The following ALDH1L2 variants were observed in gnomAD, a reference collection of about 807,000 sequenced individuals.
ALDH1L2 encodes the protein aldehyde dehydrogenase 1 family member L2.
Under a neutral mutation model 111.0 loss-of-function variants are expected in ALDH1L2, and 91 were observed. The ratio of observed to expected loss-of-function variants is 0.82; its 90% CI spans 0.69 to 0.98. The LOEUF is 0.98. ALDH1L2 is among the 50% of genes least tolerant of loss of function. The pLI is 0.00. For synonymous variants in ALDH1L2, 374 were observed against 392.6 expected, an observed-to-expected ratio of 0.95 and a Z score of 0.56; for missense variants, 995 against 1,126.8, an observed-to-expected ratio of 0.88 and a Z score of 1.67.
Position 105,022,942 on chromosome 12 carries a change from T to A in ALDH1L2, c.*1482A>T, listed in dbSNP as rs975914143. 1.3e-5 allele frequency: 2 copies of A among 152,228 alleles called. No individual in the cohort carries two copies. Among genetic ancestry groups the A allele is most frequent in the Non-Finnish European group, 2.9e-5 (2 of 68,040 alleles). 9.4% of individuals were successfully genotyped at this position (152,228 alleles called of 1,614,324 possible). The stretch of plus-strand genomic sequence containing the variant: ...AATTTTATTTTTAAAGGAGGATTAA[T>A]AGAATTTAACTTTCTGGCTATCTTT... On this transcript the variant is annotated 3_prime_UTR_variant, in exon 23 of 23. Transcript: ENST00000258494.
Position 105,073,702 on chromosome 12 carries a change from TA to T in ALDH1L2, c.193+158del, listed in dbSNP as rs1052703635. The T allele has an allele frequency of 8.8e-6, 9 of 1,022,608 alleles. No individual in the cohort carries two copies. In the African/African-American group the frequency reaches 1.3e-4, roughly 15 times the overall value. 63.3% of individuals were successfully genotyped at this position (1,022,608 alleles called of 1,614,324 possible). Reference sequence around the variant, plus strand: ...GGAGTAATATGGATTATGCCCTTAATAAAAAGCTTTTCCCTGATTCCCACTC... The same window carrying T: ...GGAGTAATATGGATTATGCCCTTAATAAAAGCTTTTCCCTGATTCCCACTC... On this transcript the variant is annotated intron_variant, in intron 2 of 22. Transcript: ENST00000258494.
chr12:105,019,866 C>T lies in ALDH1L2; in HGVS notation c.*4558G>A, dbSNP rs563250865. On this transcript the variant is annotated 3_prime_UTR_variant, in exon 23 of 23. Transcript: ENST00000258494. ...AAAAAGCAGGTAACAAATTAATATA[C>T]AGTATTATGTTAATTATGTAAAAAA... 2.6e-4 allele frequency: 39 copies of T among 152,002 alleles called. No homozygotes were observed. The highest frequency in any genetic ancestry group is 4.3e-4 in the Non-Finnish European group (29 of 68,010). 9.4% of individuals were successfully genotyped at this position (152,002 alleles called of 1,614,324 possible). A position where few individuals can be genotyped will look rare whatever the true frequency, so the allele number is the denominator to read the frequency against.
chr12:105,044,537 T>C (rs2136065995), intron 15 of ALDH1L2, among the ~76,000 whole-genome samples: 1 of 132,174 alleles, frequency 7.6e-6, no homozygotes, highest in South Asian at 2.8e-4. Flanking sequence ...ACCTGTCTCC[T>C]CACTTCACTC....
At position 105,022,059 on chromosome 12, in the gene ALDH1L2, G is replaced by C. The variant is rs530979336; in HGVS notation, c.*2365C>G. ...CTTAGCATTATTAGCAAAATAATCC[G>C]TGATCTAAAGCAACAGCGATGATTT... On this transcript the variant is annotated 3_prime_UTR_variant, in exon 23 of 23. Transcript: ENST00000258494. 5 of 152,272 alleles carry C rather than the reference G, an allele frequency of 3.3e-5. No individual in the cohort carries two copies. The highest frequency in any genetic ancestry group is 1.2e-4 in the African/African-American group (5 of 41,552). 9.4% of individuals were successfully genotyped at this position (152,272 alleles called of 1,614,324 possible).
At chr12:105,050,491 T>G (rs1876188204) in intron 12 of ALDH1L2, 1 of 206,054 alleles carries the variant, frequency 4.9e-6, no homozygotes. Flanking sequence ...GATTTCTGTT[T>G]GGTGTTCACA....
chr12:105,066,710 A>G, intron 4 of ALDH1L2, 41 bp from the exon 5 acceptor site: 1 of 1,545,044 alleles, frequency 6.5e-7, no homozygotes, highest in Admixed American at 1.7e-5. Flanking sequence ...CCCAATGATC[A>G]ACAATGGCAT....
intron 18 of ALDH1L2, among the ~76,000 whole-genome samples, chr12:105,036,753 T>A (rs1190507410): frequency 6.6e-6 from 1 of 151,432 alleles, no homozygotes; most frequent in Non-Finnish European, 1.5e-5. Flanking sequence ...ACATTTTATC[T>A]TTAAACATTA....
intron 18 of ALDH1L2, among the ~76,000 whole-genome samples, chr12:105,037,263 G>T (rs748113892): frequency 2.6e-5 from 4 of 152,140 alleles, no homozygotes; most frequent in Non-Finnish European, 5.9e-5. Context: ...CTTTGAAATA[G>T]TTTAAGGCTC....
intron 10 of ALDH1L2, among the ~76,000 whole-genome samples, chr12:105,054,344 G>A (rs983081952): frequency 6.6e-6 from 1 of 152,218 alleles, no homozygotes; most frequent in Non-Finnish European, 1.5e-5. Context: ...TAAAAGCAAT[G>A]AGAACACTAG....
chr12:105,046,666 A>G (rs912838264), intron 15 of ALDH1L2, 44 bp downstream of exon 15: 16 of 1,540,020 alleles, frequency 1.0e-5, no homozygotes, highest in Non-Finnish European at 1.4e-5. Flanking sequence ...AGTACTGGAT[A>G]TAAGAGAGGA....
Position 105,070,775 on chromosome 12 carries a change from C to A in ALDH1L2, c.223G>T (p.Val75Leu). The change falls in exon 3 of 23, where the codon GTG (valine) becomes TTG (leucine). Residue 75 changes from valine to leucine, a missense_variant. Coordinates refer to ENST00000258494, the MANE Select transcript of ALDH1L2 (RefSeq NM_001034173.4). The part of the protein sequence containing the change: ...ALAAEKDGTP[V>L]FKLPKWRVKG... ...ACCCTCCATTTAGGAAGCTTGAACA[C>A]AGGGGTCCCATCTTTCTCTGCAGCC... 6.2e-7 allele frequency: 1 copy of A among 1,614,046 alleles called. No individual in the cohort carries two copies. Among genetic ancestry groups the A allele is most frequent in the Non-Finnish European group, 8.5e-7 (1 of 1,179,998 alleles).
At chr12:105,052,761 A>T in intron 11 of ALDH1L2, 51 bp downstream of exon 11, 1 of 1,607,970 alleles carries the variant, frequency 6.2e-7, no homozygotes, top group Non-Finnish European at 8.5e-7. Context: ...ATGGTGTATT[A>T]ACTAAAAATC....
chr12:105,032,063 G>A, intron 19 of ALDH1L2, 129 bp from the exon 20 acceptor site: 2 of 893,722 alleles, frequency 2.2e-6, no homozygotes, highest in South Asian at 2.5e-5. Flanking sequence ...AGCACCGGAG[G>A]TAGGTGGTTG....
rs1874718851 is a variant in ALDH1L2, at chr12:105,031,875, C to T, written c.2304G>A (p.Gly768=). 1 of 1,614,084 alleles carries T rather than the reference C, an allele frequency of 6.2e-7. No homozygotes were observed. The highest frequency in any genetic ancestry group is 8.5e-7 in the Non-Finnish European group (1 of 1,180,020). ...GDPLDRSTDH[G]PQNHKAHLEK... ...CCAGATGAGCCTTATGATTTTGGGG[C>T]CCATGATCAGTGGATCTGTCAAGTG... is the stretch of plus-strand genomic sequence containing the variant. Residue 768 remains glycine, a synonymous_variant, in exon 20 of 23, where the codon GGG becomes GGA. Transcript: ENST00000258494.
At chr12:105,039,623 T>C (rs1325824086) in intron 17 of ALDH1L2, 90 bp downstream of exon 17, 1 of 989,888 alleles carries the variant, frequency 1.0e-6, no homozygotes, top group Non-Finnish European at 1.6e-6. Context: ...GTTGATGTAG[T>C]TTTTCTCACT....
chr12:105,037,860 G>C (rs970604189), intron 18 of ALDH1L2, among the ~76,000 whole-genome samples: 24 of 151,874 alleles, frequency 1.6e-4, no homozygotes, highest in Admixed American at 5.9e-4. Flanking sequence ...CGCCTCCTGG[G>C]TTCAAGAGAT....
chr12:105,074,888 G>A (rs1877960047), intron 1 of ALDH1L2, among the ~76,000 whole-genome samples: 1 of 152,064 alleles, frequency 6.6e-6, no homozygotes, highest in Non-Finnish European at 1.5e-5. Context: ...CCTAGGGTCA[G>A]CCAAACTTTC....
intron 2 of ALDH1L2, 109 bp from the exon 3 acceptor site, chr12:105,070,913 C>G (rs975303441): frequency 1.1e-6 from 1 of 941,322 alleles, no homozygotes; most frequent in African/African-American, 1.7e-5. Flanking sequence ...ACAAATAAAA[C>G]ATGGTGAAGA....
At chr12:105,043,598 AAGATG>A (rs1875671289) in intron 15 of ALDH1L2, among the ~76,000 whole-genome samples, 1 of 152,258 alleles carries the variant, frequency 6.6e-6, no homozygotes, top group African/African-American at 2.4e-5. Context: ...CATAATTAGA[AAGATG>A]TTTAAAAACT....
Sources: allele counts gnomAD v4.1 joint callset (sites outside exome capture counted in the v4.1 genomes callset), GRCh38; gene constraint gnomAD v4.1.1; transcripts MANE v1.5; gene names NCBI Gene and HGNC (gene_info 2026-07-23, HGNC 2026-07-21).